UNC5D: variants seen among roughly 807,000 people sequenced by gnomAD.
UNC5D encodes the protein netrin receptor UNC5D.
Under a neutral mutation model 105.4 loss-of-function variants are expected in UNC5D, and 39 were observed. That is an observed-to-expected ratio of 0.37 (90% CI 0.29 to 0.48). The LOEUF is 0.48. Ranked by LOEUF, UNC5D falls within the 20% of genes least tolerant of loss-of-function variation. The pLI, the probability that UNC5D is intolerant of heterozygous loss-of-function variation, is 0.98. For synonymous variants in UNC5D, 452 were observed against 450.4 expected (o/e 1.00, Z -0.04); for missense variants, 991 against 1,202.4 (o/e 0.82, Z 2.60).
At chr8:35,257,937 C>T (rs539787366) in intron 1 of UNC5D, among the ~76,000 whole-genome samples, 3 of 152,170 alleles carry the variant, frequency 2.0e-5, no homozygotes, top group African/African-American at 4.8e-5. Context: ...TCAATTCATT[C>T]CAAAACAATG....
chr8:35,367,976 G>T (rs1052502813), intron 1 of UNC5D, among the ~76,000 whole-genome samples: 1 of 152,064 alleles, frequency 6.6e-6, no homozygotes, highest in African/African-American at 2.4e-5. Flanking sequence ...TAGCAAGCAG[G>T]TTTCTTGTAA....
chr8:35,739,400 A>G (rs1390142709), intron 11 of UNC5D, among the ~76,000 whole-genome samples: 1 of 152,124 alleles, frequency 6.6e-6, no homozygotes, highest in Non-Finnish European at 1.5e-5. Context: ...TTTTGGAAAG[A>G]AGCATTTCTC....
intron 2 of UNC5D, among the ~76,000 whole-genome samples, chr8:35,555,687 G>T (rs138713362): frequency 4.6e-5 from 7 of 151,734 alleles, no homozygotes; most frequent in Non-Finnish European, 8.8e-5. Context: ...TTAGCTGGCC[G>T]TGGTGGCGCA....
intron 3 of UNC5D, among the ~76,000 whole-genome samples, chr8:35,577,278 T>G (rs997646385): frequency 2.0e-4 from 31 of 152,228 alleles, no homozygotes; most frequent in African/African-American, 7.5e-4. Context: ...TAATGTCCTT[T>G]AATAACAAAT....
intron 1 of UNC5D, among the ~76,000 whole-genome samples, chr8:35,316,897 G>A (rs186585418): frequency 8.7e-4 from 132 of 152,170 alleles, no homozygotes; most frequent in Admixed American, 4.5e-3. Flanking sequence ...TTATTTAATC[G>A]TCGAAAGCAA....
chr8:35,382,879 T>G (rs1398273911), intron 1 of UNC5D, among the ~76,000 whole-genome samples: 1 of 152,198 alleles, frequency 6.6e-6, no homozygotes, highest in Non-Finnish European at 1.5e-5. Context: ...TTCTCTAGTT[T>G]ATGGATATTA....
At chr8:35,341,741 C>T (rs912473521) in intron 1 of UNC5D, among the ~76,000 whole-genome samples, 1 of 151,844 alleles carries the variant, frequency 6.6e-6, no homozygotes, top group East Asian at 1.9e-4. Flanking sequence ...ATATTTTATG[C>T]CAATGGAATT....
At chr8:35,765,424 A>G (rs2131704332) in intron 14 of UNC5D, among the ~76,000 whole-genome samples, 1 of 152,252 alleles carries the variant, frequency 6.6e-6, no homozygotes, top group East Asian at 1.9e-4. Flanking sequence ...TTGAAATGCC[A>G]CTTTTCTTTT....
chr8:35,308,475 A>G (rs1390514297), intron 1 of UNC5D, among the ~76,000 whole-genome samples: 1 of 152,036 alleles, frequency 6.6e-6, no homozygotes, highest in Non-Finnish European at 1.5e-5. Context: ...TCTCCTGTCA[A>G]CTCTAATTAC....
intron 1 of UNC5D, among the ~76,000 whole-genome samples, chr8:35,515,251 C>CA (rs1406944999): frequency 6.6e-6 from 1 of 152,130 alleles, no homozygotes; most frequent in African/African-American, 2.4e-5. Flanking sequence ...TAAATGGAAC[C>CA]AAAAACAGCA....
chr8:35,280,169 T>C (rs971861678), intron 1 of UNC5D, among the ~76,000 whole-genome samples: 1 of 152,084 alleles, frequency 6.6e-6, no homozygotes, highest in Non-Finnish European at 1.5e-5. Flanking sequence ...CTAATTTTTA[T>C]ATTTTTAGTA....
At chr8:35,630,704 A>G (rs1167379771) in intron 4 of UNC5D, among the ~76,000 whole-genome samples, 1 of 152,164 alleles carries the variant, frequency 6.6e-6, no homozygotes, top group Non-Finnish European at 1.5e-5. Context: ...GTAAGGCGGG[A>G]AAAAGGCTGC....
chr8:35,349,831 A>C (rs970850843), intron 1 of UNC5D, among the ~76,000 whole-genome samples: 1 of 152,016 alleles, frequency 6.6e-6, no homozygotes, highest in Non-Finnish European at 1.5e-5. Flanking sequence ...TAATAAAATT[A>C]GTGACTTTTA....
chr8:35,685,857 T>C (rs909628211), intron 6 of UNC5D, among the ~76,000 whole-genome samples: 3 of 152,172 alleles, frequency 2.0e-5, no homozygotes, highest in African/African-American at 7.2e-5. Flanking sequence ...GATTTAAAAT[T>C]GCAGTATCTT....
chr8:35,465,767 G>T (rs1809259865), intron 1 of UNC5D, among the ~76,000 whole-genome samples: 1 of 152,112 alleles, frequency 6.6e-6, no homozygotes, highest in Non-Finnish European at 1.5e-5. Flanking sequence ...ATAGGAAGAG[G>T]ATCTGGATTT....
chr8:35,329,063 A>G (rs957283569), intron 1 of UNC5D, among the ~76,000 whole-genome samples: 9 of 152,094 alleles, frequency 5.9e-5, no homozygotes, highest in African/African-American at 1.4e-4. Flanking sequence ...TTTTTCTCCA[A>G]TTTAAAACAA....
intron 1 of UNC5D, among the ~76,000 whole-genome samples, chr8:35,309,685 T>C (rs540656104): frequency 6.6e-6 from 1 of 152,190 alleles, no homozygotes; most frequent in South Asian, 2.1e-4. Flanking sequence ...TTTTTTTCAT[T>C]GCAAGTTACT....
At chr8:35,776,388 C>T (rs1318016560) in intron 16 of UNC5D, among the ~76,000 whole-genome samples, 1 of 152,196 alleles carries the variant, frequency 6.6e-6, no homozygotes, top group African/African-American at 2.4e-5. Flanking sequence ...ATGTTCCTAC[C>T]TTATTACATT....
At chr8:35,499,937 C>A (rs1236821749) in intron 1 of UNC5D, among the ~76,000 whole-genome samples, 2 of 152,176 alleles carry the variant, frequency 1.3e-5, no homozygotes, top group Middle Eastern at 3.2e-3. Context: ...TGCAAAATAT[C>A]TGACACTCTA....
Sources: allele counts gnomAD v4.1 joint callset (sites outside exome capture counted in the v4.1 genomes callset), GRCh38; gene constraint gnomAD v4.1.1; transcripts MANE v1.5; gene names NCBI Gene and HGNC (gene_info 2026-07-23, HGNC 2026-07-21).